ABCC4: variants seen among roughly 807,000 people sequenced by gnomAD.
The protein encoded by ABCC4 is ATP-binding cassette sub-family C member 4.
ABCC4 carries 102 observed loss-of-function variants against 168.5 expected under a neutral mutation model. The observed-to-expected ratio is 0.61, with a 90% CI of 0.52 to 0.71. The LOEUF (loss-of-function observed/expected upper bound fraction) is 0.71, where lower values mean the gene tolerates loss of function less well. Among genes scored for constraint, ABCC4 ranks in the 30% least tolerant of loss-of-function variants. The probability of loss-of-function intolerance (pLI) is 0.00; values close to 1 mark genes in which losing one functional copy is unlikely to be tolerated. For missense variants in ABCC4, 1,402 were observed against 1,605.8 expected (o/e 0.87, Z 2.17); for synonymous variants, 617 against 590.7 (o/e 1.04, Z -0.65).
intron 1 of ABCC4, among the ~76,000 whole-genome samples, chr13:95,280,794 C>T (rs1479450216): frequency 6.6e-6 from 1 of 152,042 alleles, no homozygotes; most frequent in Non-Finnish European, 1.5e-5. Flanking sequence ...CTTCCACAGA[C>T]TTCAGCCTAT....
chr13:95,186,816 T>C lies in ABCC4; in HGVS notation c.1430A>G (p.Tyr477Cys), dbSNP rs764076680. 19 of 1,613,988 alleles carry C rather than the reference T, an allele frequency of 1.2e-5. No homozygotes were observed. Among genetic ancestry groups the C allele is most frequent in the Middle Eastern group, 3.3e-4 (2 of 6,084 alleles). ...GAACACCCAGGGCTGCTGAGACACA[T>C]AGGCAATTCTTCCATGCACGCTGAC... ...GLVSVHGRIAYVSQQPWVFSG... is the reference protein window; with the variant it reads ...GLVSVHGRIACVSQQPWVFSG... The change falls in exon 11 of 31, where the codon TAT becomes TGT. Residue 477 changes from tyrosine (Y) to cysteine (C), a missense_variant. By Grantham distance (194) the Tyr-to-Cys change is radical. Coordinates refer to ENST00000645237, the MANE Select transcript of ABCC4 (RefSeq NM_005845.5).
At chr13:95,202,643 A>AATT (rs1329027186) in intron 8 of ABCC4, among the ~76,000 whole-genome samples, 2 of 84,738 alleles carry the variant, frequency 2.4e-5, no homozygotes, top group South Asian at 3.4e-4. Context: ...AAGAATGTGC[A>AATT]CTTTTTTTTT....
chr13:95,028,761 G>A (rs9524772), intron 30 of ABCC4, among the ~76,000 whole-genome samples: 150,483 of 152,292 alleles, frequency 0.99, 74,369 homozygotes, highest in Middle Eastern at 1. Flanking sequence ...AATAAATCTG[G>A]TAAGTCATTC....
chr13:95,218,927 G>GAAAGAAA (rs376118275), intron 4 of ABCC4, among the ~76,000 whole-genome samples: 5 of 42,438 alleles, frequency 1.2e-4, no homozygotes, highest in African/African-American at 7.3e-4. Context: ...GAGAAAGAAA[G>GAAAGAAA]AGAAAGAAAG....
intron 19 of ABCC4, among the ~76,000 whole-genome samples, chr13:95,144,531 G>A (rs143248892): frequency 6.6e-6 from 1 of 151,916 alleles, no homozygotes; most frequent in East Asian, 1.9e-4. Flanking sequence ...TCCCAGATCT[G>A]ATAAACAACT....
chr13:95,263,846 A>G (rs7987353), intron 1 of ABCC4, among the ~76,000 whole-genome samples: 13,669 of 151,884 alleles, frequency 0.09, 1,330 homozygotes, highest in African/African-American at 0.24. Flanking sequence ...AATGCATAGT[A>G]CCCAGCACTC....
In ABCC4 at chr13:95,170,850, G is replaced by A. The variant is rs561607419; in HGVS notation, c.1728-222C>T. Among the ~76,000 whole-genome samples, 3 of 152,206 alleles carry A rather than the reference G, an allele frequency of 2.0e-5. No individual in the cohort carries two copies. In the East Asian group the frequency reaches 5.8e-4, roughly 29 times the overall value. ...GTGGTGAAATCCTCAAAAGTTTTCT[G>A]GGAAGGAGGCAATAAGTGTAATTTT... On this transcript the variant is annotated intron_variant, in intron 13 of 30. Transcript: ENST00000645237.
intron 1 of ABCC4, among the ~76,000 whole-genome samples, chr13:95,260,364 C>T (rs1245157725): frequency 1.3e-5 from 2 of 152,102 alleles, no homozygotes; most frequent in African/African-American, 2.4e-5. Context: ...CACCTAGAAC[C>T]GCAACCTAAA....
At chr13:95,195,585 T>G (rs1264542773) in intron 8 of ABCC4, among the ~76,000 whole-genome samples, 1 of 152,206 alleles carries the variant, frequency 6.6e-6, no homozygotes, top group Non-Finnish European at 1.5e-5. Context: ...AAGGTTTCTA[T>G]CTCTTAAAAC....
intron 19 of ABCC4, among the ~76,000 whole-genome samples, chr13:95,153,844 T>C (rs2036769243): frequency 6.6e-6 from 1 of 152,178 alleles, no homozygotes; most frequent in African/African-American, 2.4e-5. Context: ...ACAATAGCAA[T>C]CAAATATATG....
At chr13:95,198,513 G>C (rs1250287953) in intron 8 of ABCC4, among the ~76,000 whole-genome samples, 2 of 152,212 alleles carry the variant, frequency 1.3e-5, no homozygotes, top group Non-Finnish European at 2.9e-5. Flanking sequence ...GTTGGTGGGA[G>C]TGTAAATTAG....
chr13:95,206,856 A>T, intron 7 of ABCC4, 75 bp from the exon 8 acceptor site: 2 of 1,511,274 alleles, frequency 1.3e-6, no homozygotes, highest in Non-Finnish European at 1.8e-6. Flanking sequence ...CAATCTCAGC[A>T]CTTTGGGAGC....
chr13:95,198,044 G>T (rs2139653365), intron 8 of ABCC4, among the ~76,000 whole-genome samples: 1 of 152,220 alleles, frequency 6.6e-6, no homozygotes, highest in African/African-American at 2.4e-5. Flanking sequence ...TCAGGACATA[G>T]GCATGGCAAA....
At position 95,186,898 on chromosome 13, in the gene ABCC4, A is replaced by G. The variant is rs1428102913; in HGVS notation, c.1354-6T>C. On this transcript the variant is annotated splice_polypyrimidine_tract_variant and splice_region_variant and intron_variant, in intron 10 of 30. Coordinates refer to ENST00000645237, the MANE Select transcript of ABCC4 (RefSeq NM_005845.5). Reference sequence around the variant, plus strand: ...ACGGCACTTAACAGTGATGACTGAAACAGATTGTAAAAAAGCACATGTTCA... The same window carrying G: ...ACGGCACTTAACAGTGATGACTGAAGCAGATTGTAAAAAAGCACATGTTCA... 6.2e-7 allele frequency: 1 copy of G among 1,600,174 alleles called. No individual in the cohort carries two copies. The highest frequency in any genetic ancestry group is 8.5e-7 in the Non-Finnish European group (1 of 1,172,886).
chr13:95,173,249 T>C (rs768178605), intron 13 of ABCC4, among the ~76,000 whole-genome samples: 2 of 152,236 alleles, frequency 1.3e-5, no homozygotes, highest in Non-Finnish European at 2.9e-5. Context: ...GAAGCATTCC[T>C]GGCAGATACA....
At position 95,115,905 on chromosome 13, in the gene ABCC4, A is replaced by G. The variant is rs1416397481; in HGVS notation, c.2535+17T>C. The G allele has an allele frequency of 6.2e-7, 1 of 1,601,832 alleles. No individual in the cohort carries two copies. Reference sequence around the variant, plus strand: ...TCCGTTTTCCATTTGAGATCCTGACATTACTCTCAACGTTACCTGGATGAA... The same window carrying G: ...TCCGTTTTCCATTTGAGATCCTGACGTTACTCTCAACGTTACCTGGATGAA... On this transcript the variant is annotated intron_variant, in intron 20 of 30. Coordinates refer to ENST00000645237, the MANE Select transcript of ABCC4 (RefSeq NM_005845.5).
At chr13:95,244,632 A>G (rs1261184424) in intron 3 of ABCC4, among the ~76,000 whole-genome samples, 843 of 40,270 alleles carry the variant, frequency 0.021, 251 homozygotes, top group Non-Finnish European at 0.029. Context: ...AAAGAAAGAA[A>G]GAAAGAAAGA....
rs566213546 is a variant in ABCC4, at chr13:95,218,660, T to C, written c.532-7879A>G. On this transcript the variant is annotated intron_variant, in intron 4 of 30. Transcript: ENST00000645237. Reference sequence around the variant, plus strand: ...TGAGCCCAGGAGTTCAAGACTAGACTGGGCAACGTAGTGAGATCCTGTCTA... The same window carrying C: ...TGAGCCCAGGAGTTCAAGACTAGACCGGGCAACGTAGTGAGATCCTGTCTA... 5.3e-4 allele frequency among the ~76,000 whole-genome samples: 80 copies of C among 151,898 alleles called. 1 individual carries two copies. The highest frequency in any genetic ancestry group is 3.4e-3 in the Middle Eastern group (1 of 294).
chr13:95,040,890 T>A (rs895057965), intron 29 of ABCC4, among the ~76,000 whole-genome samples: 2 of 152,184 alleles, frequency 1.3e-5, no homozygotes, highest in Non-Finnish European at 2.9e-5. Context: ...TCAGGCCTGG[T>A]TTTGCTTCTC....
Sources: allele counts gnomAD v4.1 joint callset (sites outside exome capture counted in the v4.1 genomes callset), GRCh38; gene constraint gnomAD v4.1.1; transcripts MANE v1.5; gene names NCBI Gene and HGNC (gene_info 2026-07-23, HGNC 2026-07-21).